DCC: variants seen among roughly 807,000 people sequenced by gnomAD.
DCC encodes netrin receptor DCC.
DCC carries 58 observed loss-of-function variants against 172.5 expected under a neutral mutation model. The observed-to-expected ratio is 0.34, with a 90% CI of 0.27 to 0.42. The LOEUF (loss-of-function observed/expected upper bound fraction) is 0.42. Ranked by LOEUF, DCC falls within the 10% of genes least tolerant of loss-of-function variation. The probability of loss-of-function intolerance (pLI) is 1.00; values close to 1 mark genes in which losing one functional copy is unlikely to be tolerated. For missense variants in DCC, 1,740 were observed against 1,791.0 expected (o/e 0.97, Z 0.51); for synonymous variants, 709 against 644.5 (o/e 1.10, Z -1.52).
rs1190279285 is a variant in DCC, at chr18:52,427,815, TCTTCCTTCCTTC to T, written c.91+86945_91+86956del. Among the ~76,000 whole-genome samples the T allele has an allele frequency of 2.2e-4, 25 of 113,054 alleles. 1 individual carries two copies. Among genetic ancestry groups the T allele is most frequent in the Admixed American group, 1.5e-3 (17 of 10,988 alleles). 74.2% of individuals were successfully genotyped at this position (113,054 alleles called of 152,430 possible). A position where few individuals can be genotyped will look rare whatever the true frequency, so the allele number is the denominator to read the frequency against. The stretch of plus-strand genomic sequence containing the variant: ...GTAAACTAACTTTCTTTTCTTCCTT[TCTTCCTTCCTTC>T]CTTCCTTTCTTCCTTCCTTCCTTCC... On this transcript the variant is annotated intron_variant, in intron 1 of 28. Coordinates refer to ENST00000442544, the MANE Select transcript of DCC (RefSeq NM_005215.4).
chr18:52,829,574 T>A (rs1450617715), intron 2 of DCC, among the ~76,000 whole-genome samples: 1 of 152,174 alleles, frequency 6.6e-6, no homozygotes, highest in Non-Finnish European at 1.5e-5. Flanking sequence ...GCAATTCTAT[T>A]ACAGTTCAAG....
intron 12 of DCC, among the ~76,000 whole-genome samples, chr18:53,229,988 C>T (rs1042413337): frequency 3.3e-5 from 5 of 152,086 alleles, no homozygotes; most frequent in Non-Finnish European, 7.4e-5. Context: ...ACCTGGCTAT[C>T]TTGTTTTGCA....
rs551247953 is a variant in DCC, at chr18:53,257,388, T to A, written c.1911+41791T>A. Among the ~76,000 whole-genome samples, 5 of 152,354 alleles carry A rather than the reference T, an allele frequency of 3.3e-5. No homozygotes were observed. The East Asian group carries it at 9.6e-4, about 29-fold the overall frequency. ...TCTGATTATTTTGAGATACATCCCA[T>A]CAATAACTAATTTATTGAGAATTTT... On this transcript the variant is annotated intron_variant, in intron 12 of 28. Coordinates refer to ENST00000442544, the MANE Select transcript of DCC (RefSeq NM_005215.4).
At chr18:53,373,293 A>G (rs920841633) in intron 15 of DCC, among the ~76,000 whole-genome samples, 1 of 152,092 alleles carries the variant, frequency 6.6e-6, no homozygotes, top group African/African-American at 2.4e-5. Context: ...GAATAGATCT[A>G]GTGAATATTC....
At chr18:53,068,087 A>C (rs996642241) in intron 7 of DCC, among the ~76,000 whole-genome samples, 1 of 152,188 alleles carries the variant, frequency 6.6e-6, no homozygotes, top group Admixed American at 6.5e-5. Context: ...CTCTGGCTCA[A>C]GATCACCAGT....
intron 2 of DCC, among the ~76,000 whole-genome samples, chr18:52,766,409 C>T (rs184257295): frequency 3.0e-4 from 45 of 152,290 alleles, no homozygotes; most frequent in Admixed American, 2.4e-3. Context: ...GTGTGACAGC[C>T]TCCTGTATCT....
At chr18:53,369,357 T>C (rs1478254831) in intron 15 of DCC, among the ~76,000 whole-genome samples, 2 of 151,956 alleles carry the variant, frequency 1.3e-5, no homozygotes, top group Non-Finnish European at 2.9e-5. Flanking sequence ...CACTTGATTT[T>C]AGCTAAAAAC....
intron 9 of DCC, among the ~76,000 whole-genome samples, chr18:53,195,415 CATT>C (rs1243776422): frequency 6.6e-6 from 1 of 152,060 alleles, no homozygotes; most frequent in East Asian, 1.9e-4. Context: ...ATTGGCAAAA[CATT>C]ATTTGATTTG....
At chr18:52,575,201 AC>A (rs2033381380) in intron 1 of DCC, among the ~76,000 whole-genome samples, 1 of 152,166 alleles carries the variant, frequency 6.6e-6, no homozygotes, top group African/African-American at 2.4e-5. Context: ...TATACCACAT[AC>A]CAGAACCATC....
chr18:53,360,513 C>T (rs139869299), intron 15 of DCC, among the ~76,000 whole-genome samples: 9 of 152,208 alleles, frequency 5.9e-5, no homozygotes, highest in Admixed American at 5.9e-4. Flanking sequence ...TTTCCCTAAA[C>T]TAGGCATTTA....
At chr18:52,777,879 G>A (rs1351640496) in intron 2 of DCC, among the ~76,000 whole-genome samples, 4 of 152,278 alleles carry the variant, frequency 2.6e-5, no homozygotes, top group Admixed American at 6.5e-5. Context: ...ATGGCAGAAG[G>A]TAGATGGAAA....
chr18:52,352,279 G>A (rs1239266251), intron 1 of DCC, among the ~76,000 whole-genome samples: 1 of 152,140 alleles, frequency 6.6e-6, no homozygotes, highest in Non-Finnish European at 1.5e-5. Context: ...AATTTCACAG[G>A]CACAGGCCAG....
At chr18:52,461,445 C>T (rs1568180643) in intron 1 of DCC, among the ~76,000 whole-genome samples, 1 of 152,192 alleles carries the variant, frequency 6.6e-6, no homozygotes, top group South Asian at 2.1e-4. Flanking sequence ...ATAGTGAATA[C>T]ATGAACCAGT....
chr18:52,710,005 G>T (rs1249715803), intron 1 of DCC, among the ~76,000 whole-genome samples: 1 of 152,150 alleles, frequency 6.6e-6, no homozygotes, highest in Non-Finnish European at 1.5e-5. Context: ...TGGTGGGATT[G>T]CCCATCAGCC....
chr18:53,172,189 A>G (rs2055024116), intron 8 of DCC, among the ~76,000 whole-genome samples: 1 of 152,190 alleles, frequency 6.6e-6, no homozygotes, highest in East Asian at 1.9e-4. Flanking sequence ...ATGTAGTTGG[A>G]GGCCATAATC....
intron 16 of DCC, among the ~76,000 whole-genome samples, chr18:53,390,947 A>G (rs893147372): frequency 7.2e-5 from 11 of 152,306 alleles, no homozygotes; most frequent in African/African-American, 2.6e-4. Context: ...TACATTTTCA[A>G]GGGTTTCAGT....
intron 1 of DCC, among the ~76,000 whole-genome samples, chr18:52,740,593 T>G (rs9946986): frequency 0.028 from 4,208 of 152,306 alleles, 194 homozygotes; most frequent in African/African-American, 0.096. Context: ...CTGTCAGACC[T>G]TTGTGGAATT....
chr18:53,225,442 A>G (rs994412258), intron 12 of DCC, among the ~76,000 whole-genome samples: 1 of 152,198 alleles, frequency 6.6e-6, no homozygotes, highest in Non-Finnish European at 1.5e-5. Flanking sequence ...CAGGAATGCA[A>G]TCCTTTGAGG....
At chr18:52,383,359 G>T (rs1459060218) in intron 1 of DCC, among the ~76,000 whole-genome samples, 1 of 152,030 alleles carries the variant, frequency 6.6e-6, no homozygotes, top group African/African-American at 2.4e-5. Context: ...TATTATCAGA[G>T]GGATTAGTGT....
Sources: allele counts gnomAD v4.1 joint callset (sites outside exome capture counted in the v4.1 genomes callset), GRCh38; gene constraint gnomAD v4.1.1; transcripts MANE v1.5; gene names NCBI Gene and HGNC (gene_info 2026-07-23, HGNC 2026-07-21).